Variants in CELF4 observed in about 807,000 individuals in gnomAD.
CELF4 encodes CUG-BP- and ETR-3-like factor 4.
Under a neutral mutation model 59.9 loss-of-function variants are expected in CELF4, and 18 were observed. That is an observed-to-expected ratio of 0.30 (90% CI 0.21 to 0.45). The LOEUF (loss-of-function observed/expected upper bound fraction) is 0.45. Ranked by LOEUF, CELF4 falls within the 20% of genes least tolerant of loss-of-function variation. The pLI is 1.00. For synonymous variants in CELF4, 261 were observed against 267.1 expected (o/e 0.98, Z 0.22); for missense variants, 456 against 689.0 (o/e 0.66, Z 3.79).
intron 1 of CELF4, among the ~76,000 whole-genome samples, chr18:37,529,375 C>T (rs192013060): frequency 1.8e-3 from 277 of 152,278 alleles, no homozygotes; most frequent in African/African-American, 6.0e-3. Context: ...CTGCATGGGT[C>T]GAGGTGCTTA....
rs560107856 is a variant in CELF4, at chr18:37,497,909, C to T, written c.287-12302G>A. Reference sequence around the variant, plus strand: ...CATTTCACAGGTGAGGAAATGGAGTCACTCAAAGATTAAAGACTTGCCCGA... The same window carrying T: ...CATTTCACAGGTGAGGAAATGGAGTTACTCAAAGATTAAAGACTTGCCCGA... On this transcript the variant is annotated intron_variant, in intron 1 of 12. Transcript: ENST00000420428. Among the ~76,000 whole-genome samples the T allele has an allele frequency of 1.0e-3, 154 of 152,294 alleles. 1 individual carries two copies. The highest frequency in any genetic ancestry group is 1.6e-3 in the Non-Finnish European group (112 of 68,014).
At chr18:37,325,402 G>A (rs2097272234) in intron 2 of CELF4, among the ~76,000 whole-genome samples, 1 of 152,218 alleles carries the variant, frequency 6.6e-6, no homozygotes, top group African/African-American at 2.4e-5. Flanking sequence ...TTTCTGAAAT[G>A]ACGGGTCCCA....
At chr18:37,544,188 A>G (rs911197296) in intron 1 of CELF4, among the ~76,000 whole-genome samples, 2 of 146,854 alleles carry the variant, frequency 1.4e-5, no homozygotes, top group Admixed American at 1.4e-4. Context: ...CAACAGCTAC[A>G]ATTATCTCAG....
At chr18:37,462,198 C>A (rs1261867784) in intron 2 of CELF4, among the ~76,000 whole-genome samples, 1 of 152,088 alleles carries the variant, frequency 6.6e-6, no homozygotes, top group Non-Finnish European at 1.5e-5. Context: ...CATTTGCCCA[C>A]CCCTGACCCA....
intron 2 of CELF4, among the ~76,000 whole-genome samples, chr18:37,435,344 T>C (rs79989960): frequency 0.021 from 3,180 of 152,288 alleles, 113 homozygotes; most frequent in African/African-American, 0.072. Flanking sequence ...CTGGTGTCCA[T>C]GTGCACATGT....
At chr18:37,285,687 CCT>C (rs1431082625) in intron 3 of CELF4, among the ~76,000 whole-genome samples, 1 of 152,136 alleles carries the variant, frequency 6.6e-6, no homozygotes, top group Non-Finnish European at 1.5e-5. Context: ...TTGCTGCCTC[CCT>C]CTCTGGCCTT....
intron 1 of CELF4, among the ~76,000 whole-genome samples, chr18:37,558,151 A>C (rs1202652802): frequency 2.0e-5 from 3 of 151,740 alleles, no homozygotes; most frequent in African/African-American, 7.3e-5. Context: ...ACAGGCTTGC[A>C]CCACCATGCC....
At chr18:37,259,084 C>T in intron 11 of CELF4, 97 bp downstream of exon 11, 3 of 1,589,600 alleles carry the variant, frequency 1.9e-6, no homozygotes, top group South Asian at 1.1e-5. Flanking sequence ...ACCGCCCTGT[C>T]CTAGGTGAAG....
intron 2 of CELF4, among the ~76,000 whole-genome samples, chr18:37,389,455 T>G (rs2099134071): frequency 6.6e-6 from 1 of 152,222 alleles, no homozygotes; most frequent in Admixed American, 6.5e-5. Context: ...ATTTAATTAT[T>G]CCCTATATTT....
intron 2 of CELF4, among the ~76,000 whole-genome samples, chr18:37,459,316 C>G (rs1320637189): frequency 7.2e-5 from 11 of 152,160 alleles, no homozygotes; most frequent in Admixed American, 6.5e-5. Flanking sequence ...TCTCTAAAGC[C>G]AAAATGCTCT....
At chr18:37,331,325 T>C (rs1206583624) in intron 2 of CELF4, among the ~76,000 whole-genome samples, 1 of 152,206 alleles carries the variant, frequency 6.6e-6, no homozygotes, top group Non-Finnish European at 1.5e-5. Context: ...CACAAGCCTT[T>C]GCCTCCTCCT....
intron 2 of CELF4, among the ~76,000 whole-genome samples, chr18:37,424,722 C>T (rs1033369924): frequency 6.6e-6 from 1 of 152,134 alleles, no homozygotes; most frequent in Non-Finnish European, 1.5e-5. Context: ...ACGTGGTTAC[C>T]AGTGTTAAGC....
At chr18:37,477,123 C>T (rs1271492456) in intron 2 of CELF4, among the ~76,000 whole-genome samples, 1 of 152,182 alleles carries the variant, frequency 6.6e-6, no homozygotes, top group African/African-American at 2.4e-5. Flanking sequence ...TGGGGAGCTG[C>T]CTCCCTCCCG....
chr18:37,506,262 G>A (rs2099937870), intron 1 of CELF4, among the ~76,000 whole-genome samples: 2 of 152,276 alleles, frequency 1.3e-5, no homozygotes, highest in African/African-American at 4.8e-5. Context: ...ATTAGCAGTG[G>A]CAAAAATAAT....
chr18:37,494,513 G>A (rs1180131941), intron 1 of CELF4, among the ~76,000 whole-genome samples: 1 of 152,238 alleles, frequency 6.6e-6, no homozygotes. Context: ...TGGTCCCCAG[G>A]AGAGCATGAG....
chr18:37,315,164 C>T (rs2096824613), intron 3 of CELF4, among the ~76,000 whole-genome samples: 1 of 152,158 alleles, frequency 6.6e-6, no homozygotes, highest in African/African-American at 2.4e-5. Flanking sequence ...CCTCCCAAGC[C>T]TGTGCCTTGG....
chr18:37,308,575 A>T (rs2096532864), intron 3 of CELF4, among the ~76,000 whole-genome samples: 1 of 152,172 alleles, frequency 6.6e-6, no homozygotes, highest in Non-Finnish European at 1.5e-5. Flanking sequence ...AGCACAGAGG[A>T]GGCTTGAAGA....
At chr18:37,543,659 C>G (rs1268140909) in intron 1 of CELF4, among the ~76,000 whole-genome samples, 1 of 152,266 alleles carries the variant, frequency 6.6e-6, no homozygotes, top group African/African-American at 2.4e-5. Context: ...AAAACCTTCA[C>G]AGTCATTATC....
At chr18:37,503,376 C>T (rs897974950) in intron 1 of CELF4, among the ~76,000 whole-genome samples, 4 of 152,206 alleles carry the variant, frequency 2.6e-5, no homozygotes, top group South Asian at 2.1e-4. Context: ...ACTCCTGGCC[C>T]GTGGCTGGCA....
Sources: allele counts gnomAD v4.1 joint callset (sites outside exome capture counted in the v4.1 genomes callset), GRCh38; gene constraint gnomAD v4.1.1; transcripts MANE v1.5; gene names NCBI Gene and HGNC (gene_info 2026-07-23, HGNC 2026-07-21).